Variants in ENTPD5 observed in about 807,000 individuals in gnomAD.
ENTPD5 encodes nucleoside diphosphate phosphatase ENTPD5.
ENTPD5 carries 49 observed loss-of-function variants against 60.2 expected under a neutral mutation model. That is an observed-to-expected ratio of 0.81 (90% confidence interval 0.65 to 1.03). ENTPD5 has a LOEUF of 1.03. Among genes scored for constraint, ENTPD5 ranks in the 50% least tolerant of loss-of-function variants. The pLI is 0.00. For missense variants in ENTPD5, 480 were observed against 507.6 expected, an observed-to-expected ratio of 0.95 and a Z score of 0.52; for synonymous variants, 187 against 185.4, an observed-to-expected ratio of 1.01 and a Z score of -0.07.
At chr14:73,988,321 G>A in intron 3 of ENTPD5, 149 bp from the exon 4 acceptor site, 3 of 645,808 alleles carry the variant, frequency 4.6e-6, no homozygotes, top group Non-Finnish European at 7.2e-6. Context: ...TGGGCTCTTA[G>A]CACCTTTTCC....
Position 73,987,960 on chromosome 14 carries a change from A to G in ENTPD5, c.143T>C (p.Leu48Ser), listed in dbSNP as rs151131748. The part of the protein sequence containing the change: ...MCPINVSAST[L>S]YGIMFDAGST... Reference sequence around the variant, plus strand: ...CCCTGCATCAAACATAATTCCATACAAGGTGCTGGCGCTGACATTGATGGG... The same window carrying G: ...CCCTGCATCAAACATAATTCCATACGAGGTGCTGGCGCTGACATTGATGGG... The change falls in exon 4 of 16, where the codon TTG becomes TCG. Residue 48 changes from leucine to serine, a missense_variant. Leu to Ser is a moderately radical substitution (Grantham distance 145, BLOSUM62 -2). Transcript: ENST00000334696. 313 of 1,614,180 alleles carry G rather than the reference A, an allele frequency of 1.9e-4. No individual in the cohort carries two copies. The highest frequency in any genetic ancestry group is 2.5e-4 in the Non-Finnish European group (295 of 1,180,018).
At chr14:73,984,360 C>A (rs1887286830) in intron 5 of ENTPD5, among the ~76,000 whole-genome samples, 1 of 152,140 alleles carries the variant, frequency 6.6e-6, no homozygotes, top group Non-Finnish European at 1.5e-5. Flanking sequence ...CGCTGCCTAC[C>A]ACCACTAAAC....
chr14:73,962,670 A>T, downstream of ENTPD5: 3 of 310,346 alleles, frequency 9.7e-6, no homozygotes, highest in Non-Finnish European at 1.7e-5. Flanking sequence ...GTTTTTTCTG[A>T]TGGGTGCAGT....
intron 5 of ENTPD5, among the ~76,000 whole-genome samples, chr14:73,984,883 T>C (rs1237760109): frequency 6.6e-6 from 1 of 152,180 alleles, no homozygotes; most frequent in Non-Finnish European, 1.5e-5. Context: ...TATCTCCTAA[T>C]GCTTTCCCTC....
chr14:73,973,324 G>A (rs767686471), intron 12 of ENTPD5, among the ~76,000 whole-genome samples: 7 of 152,154 alleles, frequency 4.6e-5, no homozygotes, highest in African/African-American at 1.7e-4. Flanking sequence ...TAAAGGGCTC[G>A]CCTGCTTCCT....
chr14:73,987,749 A>G (rs1430567770), intron 4 of ENTPD5, 137 bp downstream of exon 4: 6 of 681,554 alleles, frequency 8.8e-6, no homozygotes, highest in Non-Finnish European at 1.5e-5. Flanking sequence ...ATTGTAGTCC[A>G]AAGTTCTCTG....
At chr14:73,976,114 A>G in intron 9 of ENTPD5, 99 bp from the exon 10 acceptor site, 2 of 1,033,464 alleles carry the variant, frequency 1.9e-6, no homozygotes, top group South Asian at 2.7e-5. Flanking sequence ...TCAGAGATGA[A>G]GACAGATTAA....
chr14:73,994,380 G>C (rs1360023944), intron 3 of ENTPD5, among the ~76,000 whole-genome samples: 2 of 151,846 alleles, frequency 1.3e-5, no homozygotes, highest in East Asian at 3.9e-4. Context: ...ACTCGCCTCA[G>C]CCTCCCAAAG....
At chr14:73,958,033 TAAATG>T, downstream of ENTPD5, 1 of 857,044 alleles carries the variant, frequency 1.2e-6, no homozygotes, top group Non-Finnish European at 2.0e-6. Context: ...TTTTTAATCT[TAAATG>T]ACAAGACACT....
intron 10 of ENTPD5, among the ~76,000 whole-genome samples, chr14:73,975,286 A>C (rs2057392114): frequency 6.6e-6 from 1 of 152,072 alleles, no homozygotes; most frequent in Non-Finnish European, 1.5e-5. Flanking sequence ...CCTAGCCCCA[A>C]CTGGGATCAC....
chr14:73,976,520 C>T (rs2057451965), intron 8 of ENTPD5, 108 bp from the exon 9 acceptor site: 3 of 800,290 alleles, frequency 3.7e-6, no homozygotes, highest in Admixed American at 4.7e-5. Context: ...TACTCCACTG[C>T]TCCCCAGCCC....
rs1169644383 is a variant in ENTPD5 at position 73,964,847 on chromosome 14, C to T, written c.*2081G>A. The T allele has an allele frequency of 8.7e-5, 13 of 149,384 alleles. No individual in the cohort carries two copies. The highest frequency in any genetic ancestry group is 6.9e-3 in the Middle Eastern group (2 of 288). 9.3% of individuals were successfully genotyped at this position (149,384 alleles called of 1,614,324 possible). A position where few individuals can be genotyped will look rare whatever the true frequency, so the allele number is the denominator to read the frequency against. On this transcript the variant is annotated 3_prime_UTR_variant, in exon 16 of 16. Transcript: ENST00000334696. The stretch of plus-strand genomic sequence containing the variant: ...CACTTAGAAGATAGGTAGATTTCAG[C>T]TCAATATAAGGAATTTTTTTTAATA...
At chr14:73,958,844 C>G, downstream of ENTPD5, 1 of 1,543,102 alleles carries the variant, frequency 6.5e-7, no homozygotes, top group South Asian at 1.2e-5. Flanking sequence ...GTGAGTGAAG[C>G]AGGCCTGATG....
chr14:74,000,154 G>A (rs576934427), intron 3 of ENTPD5, among the ~76,000 whole-genome samples: 22 of 150,474 alleles, frequency 1.5e-4, no homozygotes, highest in Admixed American at 6.6e-4. Context: ...ATTTGGAAAC[G>A]CATCAAGAAA....
At chr14:74,012,266 G>T (rs8023037) in intron 2 of ENTPD5, among the ~76,000 whole-genome samples, 3 of 148,222 alleles carry the variant, frequency 2.0e-5, no homozygotes, top group African/African-American at 7.5e-5. Context: ...CACCATCCCC[G>T]GCTAATTTTT....
At chr14:73,955,372 T>G, downstream of ENTPD5, 1 of 1,039,270 alleles carries the variant, frequency 9.6e-7, no homozygotes, top group Non-Finnish European at 1.5e-6. Flanking sequence ...AACAACCTCT[T>G]ACGTAACAGG....
chr14:73,961,148 T>C (rs370696842), downstream of ENTPD5: 56 of 1,610,590 alleles, frequency 3.5e-5, no homozygotes, highest in South Asian at 4.4e-5. Flanking sequence ...TTCACCTTGT[T>C]TGTCTTGTGG....
downstream of ENTPD5, chr14:73,958,461 G>C: frequency 6.9e-7 from 1 of 1,459,392 alleles, no homozygotes; most frequent in Non-Finnish European, 9.1e-7. Context: ...TGTACAGGGA[G>C]CAATCTCATG....
intron 3 of ENTPD5, 87 bp from the exon 4 acceptor site, chr14:73,988,259 G>T: frequency 1.6e-6 from 2 of 1,280,676 alleles, no homozygotes; most frequent in Non-Finnish European, 2.1e-6. Context: ...TGGGCCCAAG[G>T]TGTTCCTTCC....
Sources: allele counts gnomAD v4.1 joint callset (sites outside exome capture counted in the v4.1 genomes callset), GRCh38; gene constraint gnomAD v4.1.1; transcripts MANE v1.5; gene names NCBI Gene and HGNC (gene_info 2026-07-23, HGNC 2026-07-21).